CSNK2A1: variants seen among roughly 807,000 people sequenced by gnomAD.
The protein encoded by CSNK2A1 is casein kinase II subunit alpha.
Under a neutral mutation model 62.9 loss-of-function variants are expected in CSNK2A1, and 10 were observed. That is an observed-to-expected ratio of 0.16 (90% CI 0.10 to 0.27). The LOEUF is 0.27. Among genes scored for constraint, CSNK2A1 ranks in the 10% least tolerant of loss-of-function variants. CSNK2A1 has a pLI of 1.00. For missense variants in CSNK2A1, 160 were observed against 492.0 expected (o/e 0.33, Z 6.38); for synonymous variants, 124 against 167.8 (o/e 0.74, Z 2.02).
intron 2 of CSNK2A1, among the ~76,000 whole-genome samples, chr20:512,723 T>C (rs1472075941): frequency 1.3e-5 from 2 of 152,210 alleles, no homozygotes; most frequent in Non-Finnish European, 2.9e-5. Context: ...TCAAACCTTC[T>C]GAGGTTCCAT....
chr20:514,003 C>T (rs1456406296), intron 2 of CSNK2A1, among the ~76,000 whole-genome samples: 2 of 152,144 alleles, frequency 1.3e-5, no homozygotes, highest in African/African-American at 4.8e-5. Context: ...AACTGTGACT[C>T]TGTAATCTCA....
chr20:495,696 C>T (rs370724657), intron 8 of CSNK2A1, 23 bp downstream of exon 8: 52 of 1,605,334 alleles, frequency 3.2e-5, no homozygotes, highest in Non-Finnish European at 4.2e-5. Flanking sequence ...AGATAAATAA[C>T]ACTTGTCAGC....
chr20:476,199 C>G lies in CSNK2A1; in HGVS notation c.*7762G>C, dbSNP rs1201028669. 6.6e-6 allele frequency: 1 copy of G among 152,392 alleles called. No individual in the cohort carries two copies. Among genetic ancestry groups the G allele is most frequent in the Non-Finnish European group, 1.5e-5 (1 of 68,174 alleles). The allele number at this position is 152,392 out of a possible 1,614,324, so 9.4% of individuals were successfully genotyped here. On this transcript the variant is annotated 3_prime_UTR_variant, in exon 14 of 14. Transcript: ENST00000217244. ...TCCCTCGCCAGTTCAGGCAGCCCCT[C>G]CTCTGAGGCCTCATGGACCATTCTC... is the stretch of plus-strand genomic sequence containing the variant.
intron 2 of CSNK2A1, among the ~76,000 whole-genome samples, chr20:514,012 CAGAT>C (rs568068899): frequency 1.2e-3 from 184 of 152,218 alleles, no homozygotes; most frequent in African/African-American, 4.4e-3. Context: ...TCTGTAATCT[CAGAT>C]AGATAAAAGG....
chr20:519,768 A>T (rs1289948166), intron 2 of CSNK2A1, among the ~76,000 whole-genome samples: 1 of 152,234 alleles, frequency 6.6e-6, no homozygotes, highest in Non-Finnish European at 1.5e-5. Flanking sequence ...GGAAGGTCTG[A>T]GTTGAAAGAA....
At chr20:532,330 ATTT>A (rs138287291) in intron 1 of CSNK2A1, among the ~76,000 whole-genome samples, 8 of 121,962 alleles carry the variant, frequency 6.6e-5, no homozygotes, top group Non-Finnish European at 8.3e-5. Context: ...TGCCCGGCTA[ATTT>A]TTTTTTTTTT....
chr20:501,842 A>G (rs936073557), intron 4 of CSNK2A1: 3 of 152,186 alleles, frequency 2.0e-5, no homozygotes. Flanking sequence ...GACTCACAGA[A>G]CCCACCAAGA....
intron 13 of CSNK2A1, 63 bp from the exon 14 acceptor site, chr20:484,139 A>C: frequency 3.4e-4 from 451 of 1,327,552 alleles, no homozygotes; most frequent in Non-Finnish European, 4.2e-4. Flanking sequence ...CCAGTTTCTC[A>C]TAGCACTCAC....
chr20:488,946 A>G (rs1489072286), intron 10 of CSNK2A1, 168 bp from the exon 11 acceptor site: 1 of 551,390 alleles, frequency 1.8e-6, no homozygotes, highest in African/African-American at 2.0e-5. Context: ...GAAAAAGCAA[A>G]CTACTTTATA....
At chr20:489,718 G>T (rs2018176645) in intron 10 of CSNK2A1, 62 bp downstream of exon 10, 1 of 1,344,404 alleles carries the variant, frequency 7.4e-7, no homozygotes, top group South Asian at 1.5e-5. Flanking sequence ...GAAAGTTACA[G>T]GCAGTGCTGG....
chr20:483,351 T>C lies in CSNK2A1; in HGVS notation c.*610A>G, dbSNP rs459710. ...CATTTTGGGTAGATTTTCAACATCTTGATGTAACTAAGACACACTTCCACA... is the reference window on the plus strand; with the variant it reads ...CATTTTGGGTAGATTTTCAACATCTCGATGTAACTAAGACACACTTCCACA... On this transcript the variant is annotated 3_prime_UTR_variant, in exon 14 of 14. Coordinates refer to ENST00000217244, the MANE Select transcript of CSNK2A1 (RefSeq NM_177559.3). The C allele has an allele frequency of 0.48, 73,229 of 152,024 alleles. 19,105 individuals are homozygous for C. The highest frequency in any genetic ancestry group is 0.7 in the East Asian group (3,634 of 5,168). The allele number at this position is 152,024 out of a possible 1,614,324, so 9.4% of individuals were successfully genotyped here.
At position 480,312 on chromosome 20, in the gene CSNK2A1, G is replaced by A. The variant is rs2017932686; in HGVS notation, c.*3649C>T. 1 of 151,084 alleles carries A rather than the reference G, an allele frequency of 6.6e-6. No individual in the cohort carries two copies. The highest frequency in any genetic ancestry group is 2.5e-5 in the African/African-American group (1 of 40,710). The allele number at this position is 151,084 out of a possible 1,614,324, so 9.4% of individuals were successfully genotyped here. ...GAAAGGGGGCAATGGAGTGGAGAGT[G>A]GAACTACAATTTATTAAGCACCTAT... On this transcript the variant is annotated 3_prime_UTR_variant, in exon 14 of 14. Transcript: ENST00000217244.
At chr20:522,437 G>C (rs2018971342) in intron 2 of CSNK2A1, among the ~76,000 whole-genome samples, 1 of 152,124 alleles carries the variant, frequency 6.6e-6, no homozygotes. Flanking sequence ...ATTTAATCTT[G>C]AGAAAACATC....
At chr20:509,251 C>T (rs1313865395) in intron 2 of CSNK2A1, among the ~76,000 whole-genome samples, 1 of 152,192 alleles carries the variant, frequency 6.6e-6, no homozygotes, top group East Asian at 1.9e-4. Flanking sequence ...GAAAGACACA[C>T]TTGGTTTCAT....
At chr20:510,852 G>T (rs936353644) in intron 2 of CSNK2A1, among the ~76,000 whole-genome samples, 2 of 151,968 alleles carry the variant, frequency 1.3e-5, no homozygotes, top group African/African-American at 4.8e-5. Flanking sequence ...AAGTAGTTGG[G>T]ACCACAGGCG....
chr20:532,644 C>T (rs894506374), intron 1 of CSNK2A1, among the ~76,000 whole-genome samples: 4 of 152,052 alleles, frequency 2.6e-5, no homozygotes, highest in African/African-American at 9.7e-5. Flanking sequence ...TGTAACGCAC[C>T]CTAACACAAT....
At chr20:491,106 C>T (rs2018225727) in intron 9 of CSNK2A1, among the ~76,000 whole-genome samples, 1 of 152,000 alleles carries the variant, frequency 6.6e-6, no homozygotes, top group Admixed American at 6.6e-5. Context: ...CTTAAGACCC[C>T]AAGAAAGAAA....
intron 4 of CSNK2A1, chr20:501,538 AATT>A (rs2018470230): frequency 6.6e-6 from 1 of 152,196 alleles, no homozygotes; most frequent in Admixed American, 6.5e-5. Context: ...TCAATATAAA[AATT>A]ATTAATCTAT....
intron 1 of CSNK2A1, among the ~76,000 whole-genome samples, chr20:542,578 G>A (rs1416660635): frequency 6.6e-6 from 1 of 152,126 alleles, no homozygotes; most frequent in East Asian, 1.9e-4. Context: ...GATTACAGGC[G>A]CGCGCCACCA....
Sources: gnomAD v4.1 joint callset for allele counts (sites outside exome capture counted in the v4.1 genomes callset) on GRCh38, gnomAD v4.1.1 for gene constraint, MANE v1.5 for transcripts, NCBI Gene and HGNC (gene_info 2026-07-23, HGNC 2026-07-21) for gene names.